PALLD: variants seen among roughly 807,000 people sequenced by gnomAD.
PALLD encodes palladin.
In PALLD, 61 loss-of-function variants were observed where a neutral mutation model predicts 123.5. The ratio of observed to expected loss-of-function variants is 0.49; its 90% CI spans 0.40 to 0.61. The LOEUF (loss-of-function observed/expected upper bound fraction) is 0.61. PALLD is among the 20% of genes least tolerant of loss of function. The pLI is 0.00. For synonymous variants in PALLD, 465 were observed against 496.4 expected (o/e 0.94, Z 0.84); for missense variants, 1,273 against 1,377.0 (o/e 0.92, Z 1.20).
At chr4:168,705,750 C>T (rs1224030631) in intron 8 of PALLD, among the ~76,000 whole-genome samples, 1 of 152,148 alleles carries the variant, frequency 6.6e-6, no homozygotes, top group African/African-American at 2.4e-5. Context: ...AATTCTCCTG[C>T]CTCAGCCTCT....
Position 168,511,533 on chromosome 4 carries a change from T to C in PALLD, c.29T>C (p.Phe10Ser), listed in dbSNP as rs1410355321. The C allele has an allele frequency of 7.4e-6, 12 of 1,613,824 alleles. No individual in the cohort carries two copies. Among genetic ancestry groups the C allele is most frequent in the East Asian group, 2.2e-5 (1 of 44,890 alleles). Residue 10 changes from phenylalanine (F) to serine (S), a missense_variant, in exon 2 of 22, where the codon TTC becomes TCC. This residue lies in a region of PALLD where 944 missense variants were observed against 954.5 expected (regional missense o/e 0.99). Coordinates refer to ENST00000505667, the MANE Select transcript of PALLD (RefSeq NM_001166108.2). MSGTSSHES[F>S]YDSLSDMQEE... ...TCAGGGACCTCCTCCCATGAGTCCT[T>C]CTATGACTCCCTCTCAGACATGCAG...
chr4:168,896,208 CAAAA>C (rs35567491), intron 12 of PALLD, among the ~76,000 whole-genome samples: 1 of 132,200 alleles, frequency 7.6e-6, no homozygotes, highest in Admixed American at 7.5e-5. Flanking sequence ...GACTCCATCT[CAAAA>C]AAAAAAAAAA....
intron 10 of PALLD, among the ~76,000 whole-genome samples, chr4:168,814,093 A>G (rs959357029): frequency 2.0e-5 from 3 of 152,184 alleles, no homozygotes; most frequent in South Asian, 2.1e-4. Context: ...TCAATAATAC[A>G]TTTTGCCAGC....
At chr4:168,613,257 GACAAACCCAAA>G (rs1773907386) in intron 2 of PALLD, among the ~76,000 whole-genome samples, 1 of 152,096 alleles carries the variant, frequency 6.6e-6, no homozygotes, top group African/African-American at 2.4e-5. Context: ...GAAAGTCCAG[GACAAACCCAAA>G]TGAATTGTTC....
chr4:168,780,042 G>T (rs1735683849), intron 10 of PALLD, among the ~76,000 whole-genome samples: 1 of 152,010 alleles, frequency 6.6e-6, no homozygotes, highest in Non-Finnish European at 1.5e-5. Flanking sequence ...GGGATTACAG[G>T]TGTGTGCCAC....
Position 168,711,792 on chromosome 4 carries a change from C to T in PALLD, c.1833C>T (p.Asn611=), listed in dbSNP as rs1250399091. ...MQFNAAERET[N]GVHPSRGVNG... ...TCAATGCTGCTGAGAGGGAAACGAA[C>T]GGAGTCCATCCCAGCCGTGGAGTAA... The change falls in exon 10 of 22, where the codon AAC becomes AAT. Residue 611 remains asparagine, a synonymous_variant. Coordinates refer to ENST00000505667, the MANE Select transcript of PALLD (RefSeq NM_001166108.2). 15 of 1,614,124 alleles carry T rather than the reference C, an allele frequency of 9.3e-6. No individual in the cohort carries two copies. Among genetic ancestry groups the T allele is most frequent in the South Asian group, 8.8e-5 (8 of 91,080 alleles).
At chr4:168,756,677 C>G (rs974458668) in intron 10 of PALLD, among the ~76,000 whole-genome samples, 1 of 152,118 alleles carries the variant, frequency 6.6e-6, no homozygotes, top group Non-Finnish European at 1.5e-5. Context: ...ACCGAGAGAT[C>G]TGTGGCCAGG....
intron 18 of PALLD, among the ~76,000 whole-genome samples, 161 bp downstream of exon 18, chr4:168,921,902 A>C (rs764205789): frequency 5.3e-5 from 8 of 152,118 alleles, no homozygotes; most frequent in Non-Finnish European, 8.8e-5. Context: ...GGCCTAGCAA[A>C]ACAGAAACAG....
At chr4:168,721,081 C>A (rs552632550) in intron 10 of PALLD, among the ~76,000 whole-genome samples, 27 of 152,288 alleles carry the variant, frequency 1.8e-4, no homozygotes, top group African/African-American at 5.3e-4. Flanking sequence ...GAAATACTTG[C>A]AGATACCCTA....
chr4:168,807,105 T>G (rs946669663), intron 10 of PALLD, among the ~76,000 whole-genome samples: 6 of 152,010 alleles, frequency 3.9e-5, no homozygotes, highest in Non-Finnish European at 8.8e-5. Context: ...AACTTCTTGG[T>G]AAGCAGGAGG....
rs2151115546 is a variant in PALLD, at chr4:168,877,942, C to T, written c.1965-12980C>T. On this transcript the variant is annotated intron_variant, in intron 10 of 21. Coordinates refer to ENST00000505667, the MANE Select transcript of PALLD (RefSeq NM_001166108.2). Reference sequence around the variant, plus strand: ...CCCCCGCCATGCAGTCCTCCGGCTCCTTCAACTACGCGCGCCCCAAGCAGT... The same window carrying T: ...CCCCCGCCATGCAGTCCTCCGGCTCTTTCAACTACGCGCGCCCCAAGCAGT... 6.7e-7 allele frequency: 1 copy of T among 1,500,572 alleles called. No individual in the cohort carries two copies. Among genetic ancestry groups the T allele is most frequent in the Non-Finnish European group, 8.8e-7 (1 of 1,130,074 alleles). 93.0% of individuals were successfully genotyped at this position (1,500,572 alleles called of 1,614,324 possible).
At chr4:168,853,302 A>G (rs1180909191) in intron 10 of PALLD, among the ~76,000 whole-genome samples, 3 of 152,180 alleles carry the variant, frequency 2.0e-5, no homozygotes, top group African/African-American at 4.8e-5. Context: ...TCCTTCTAGA[A>G]GAAGTCCACA....
intron 2 of PALLD, among the ~76,000 whole-genome samples, chr4:168,538,483 A>T (rs1421959892): frequency 6.6e-6 from 1 of 151,766 alleles, no homozygotes; most frequent in Non-Finnish European, 1.5e-5. Context: ...TTTTAAATAA[A>T]TTTTAAATAA....
intron 10 of PALLD, among the ~76,000 whole-genome samples, chr4:168,802,639 A>T (rs1281989045): frequency 6.6e-6 from 1 of 152,230 alleles, no homozygotes. Context: ...TTTGATAAAA[A>T]GGAACTATGC....
At chr4:168,769,199 A>G (rs1332526975) in intron 10 of PALLD, among the ~76,000 whole-genome samples, 1 of 152,246 alleles carries the variant, frequency 6.6e-6, no homozygotes, top group African/African-American at 2.4e-5. Context: ...AATATTAAAA[A>G]TAAGCTGTTC....
intron 10 of PALLD, among the ~76,000 whole-genome samples, chr4:168,812,933 C>T (rs551067901): frequency 6.5e-4 from 99 of 152,204 alleles, no homozygotes; most frequent in South Asian, 1.9e-3. Context: ...TGGTCCCCAG[C>T]CCCCGTGTAG....
At chr4:168,519,491 T>C (rs945354149) in intron 2 of PALLD, among the ~76,000 whole-genome samples, 5 of 149,438 alleles carry the variant, frequency 3.3e-5, no homozygotes, top group Admixed American at 6.7e-5. Flanking sequence ...AGGGTTGTTT[T>C]AGTTATATTT....
At chr4:168,888,424 T>A (rs915385609) in intron 10 of PALLD, among the ~76,000 whole-genome samples, 9 of 152,164 alleles carry the variant, frequency 5.9e-5, no homozygotes, top group African/African-American at 2.2e-4. Context: ...GTTAAGACAG[T>A]GCCCCCAAAA....
intron 2 of PALLD, among the ~76,000 whole-genome samples, chr4:168,659,807 C>T (rs1366969409): frequency 2.6e-5 from 4 of 152,216 alleles, no homozygotes; most frequent in South Asian, 4.1e-4. Flanking sequence ...TTTCATGATA[C>T]GTAGTTGTGG....
Sources: allele counts gnomAD v4.1 joint callset (sites outside exome capture counted in the v4.1 genomes callset), GRCh38; gene constraint gnomAD v4.1.1; regional missense constraint gnomAD v4.1.1; transcripts MANE v1.5; gene names NCBI Gene and HGNC (gene_info 2026-07-23, HGNC 2026-07-21).